Variants in TGFBR3 observed in about 807,000 individuals in gnomAD.
TGFBR3 encodes the protein transforming growth factor beta receptor 3.
A neutral mutation model predicts 87.9 loss-of-function variants in TGFBR3; 46 were observed. That is an observed-to-expected ratio of 0.52 (90% CI 0.41 to 0.67). The LOEUF (loss-of-function observed/expected upper bound fraction) is 0.67, where lower values mean the gene tolerates loss of function less well. TGFBR3 is among the 30% of genes least tolerant of loss of function. The probability of loss-of-function intolerance (pLI) is 0.00; values close to 1 mark genes in which losing one functional copy is unlikely to be tolerated. For missense variants in TGFBR3, 866 were observed against 1,041.9 expected (o/e 0.83, Z 2.32); for synonymous variants, 381 against 391.6 (o/e 0.97, Z 0.32).
chr1:91,793,690 C>T (rs746300053), intron 3 of TGFBR3, among the ~76,000 whole-genome samples: 5 of 151,460 alleles, frequency 3.3e-5, no homozygotes, highest in Non-Finnish European at 5.9e-5. Context: ...CCTGTAATCC[C>T]AGCTACTCAG....
chr1:91,874,545 T>C (rs540898016), intron 1 of TGFBR3, among the ~76,000 whole-genome samples: 77 of 151,782 alleles, frequency 5.1e-4, no homozygotes, highest in Non-Finnish European at 8.1e-4. Context: ...GTCACCAGAC[T>C]GGAGTGCAGT....
At chr1:91,788,604 A>C (rs1355675635) in intron 3 of TGFBR3, among the ~76,000 whole-genome samples, 1 of 152,256 alleles carries the variant, frequency 6.6e-6, no homozygotes, top group African/African-American at 2.4e-5. Context: ...ATTAGCAGTT[A>C]AGTTTCCTTT....
In TGFBR3 at chr1:91,712,320, T is replaced by G; in HGVS notation, c.2089A>C (p.Asn697His). 1 of 1,614,248 alleles carries G rather than the reference T, an allele frequency of 6.2e-7. No homozygotes were observed. Among genetic ancestry groups the G allele is most frequent in the South Asian group, 1.1e-5 (1 of 91,088 alleles). Residue 697 changes from asparagine (N) to histidine (H), a missense_variant, in exon 13 of 17, where the codon AAC becomes CAC. Physicochemically the swap from Asn to His is moderately conservative, Grantham distance 68 (BLOSUM62 1). Coordinates refer to ENST00000212355, the MANE Select transcript of TGFBR3 (RefSeq NM_003243.5). Reference protein sequence around the residue: ...RFSFVFKPVFNTSLLFLQCEL... With the variant: ...RFSFVFKPVFHTSLLFLQCEL... ...CACTGTAGAAAGAGCAGTGAGGTGT[T>G]GAAGACAGGCTTGAAGACAAAGCTG...
At chr1:91,761,922 C>G (rs1392938498) in intron 3 of TGFBR3, among the ~76,000 whole-genome samples, 1 of 152,128 alleles carries the variant, frequency 6.6e-6, no homozygotes, top group Non-Finnish European at 1.5e-5. Context: ...CAGACTACAG[C>G]AAATAAATAT....
chr1:91,734,914 A>C lies in TGFBR3; in HGVS notation c.430T>G (p.Leu144Val). 6.2e-7 allele frequency: 1 copy of C among 1,614,152 alleles called. No individual in the cohort carries two copies. Among genetic ancestry groups the C allele is most frequent in the Non-Finnish European group, 8.5e-7 (1 of 1,180,010 alleles). ...VVQFSSANFS[L>V]TAETEERNFP... Reference sequence around the variant, plus strand: ...TTCCTTTCTTCTGTTTCTGCTGTCAAGGAGAAGTTTGCTGATGAAAACTGG... The same window carrying C: ...TTCCTTTCTTCTGTTTCTGCTGTCACGGAGAAGTTTGCTGATGAAAACTGG... The change falls in exon 5 of 17, where the codon TTG becomes GTG. Residue 144 changes from leucine to valine, a missense_variant. Leu to Val is a conservative substitution (Grantham distance 32, BLOSUM62 1). Coordinates refer to ENST00000212355, the MANE Select transcript of TGFBR3 (RefSeq NM_003243.5).
intron 4 of TGFBR3, among the ~76,000 whole-genome samples, chr1:91,757,189 T>C (rs1190541263): frequency 2.0e-5 from 3 of 152,218 alleles, no homozygotes; most frequent in Non-Finnish European, 4.4e-5. Flanking sequence ...ACTGATACTT[T>C]TGAAGATTAT....
At chr1:91,807,424 C>T (rs1388918906) in intron 2 of TGFBR3, among the ~76,000 whole-genome samples, 1 of 152,194 alleles carries the variant, frequency 6.6e-6, no homozygotes, top group East Asian at 1.9e-4. Flanking sequence ...AACCCTCTTC[C>T]AAGAAGTCAA....
At chr1:91,828,983 G>C (rs923222345) in intron 2 of TGFBR3, among the ~76,000 whole-genome samples, 1 of 152,120 alleles carries the variant, frequency 6.6e-6, no homozygotes, top group Non-Finnish European at 1.5e-5. Flanking sequence ...CTGGGCATGT[G>C]TCCTGCTGGC....
intron 14 of TGFBR3, among the ~76,000 whole-genome samples, chr1:91,699,517 G>A (rs954553903): frequency 7.4e-6 from 1 of 135,662 alleles, no homozygotes; most frequent in Non-Finnish European, 1.5e-5. Flanking sequence ...GACTGGCATA[G>A]AATAGGTCTT....
intron 5 of TGFBR3, among the ~76,000 whole-genome samples, chr1:91,732,511 T>C (rs1159916170): frequency 6.6e-6 from 1 of 152,150 alleles, no homozygotes; most frequent in Non-Finnish European, 1.5e-5. Context: ...CCAGGCCTCA[T>C]GGCCTGCGAT....
At position 91,789,512 on chromosome 1, in the gene TGFBR3, G is replaced by A. The variant is rs111649194; in HGVS notation, c.246+7775C>T. ...TACAGCATCTGGATATTACTGTGAC[G>A]AATGACAGGATTTAAGTGACGTGAC... On this transcript the variant is annotated intron_variant, in intron 3 of 16. Transcript: ENST00000212355. Among the ~76,000 whole-genome samples, 140 of 152,202 alleles carry A rather than the reference G, an allele frequency of 9.2e-4. 5 individuals carry two copies. Among genetic ancestry groups the A allele is most frequent in the Non-Finnish European group, 2.9e-4 (20 of 68,032 alleles).
intron 2 of TGFBR3, among the ~76,000 whole-genome samples, chr1:91,827,243 A>T (rs1461302314): frequency 6.6e-6 from 1 of 152,174 alleles, no homozygotes; most frequent in Non-Finnish European, 1.5e-5. Flanking sequence ...GATCACAACA[A>T]CAGAACCAGC....
chr1:91,716,544 C>T (rs781690799), intron 11 of TGFBR3, 24 bp downstream of exon 11: 10 of 1,614,008 alleles, frequency 6.2e-6, no homozygotes, highest in South Asian at 5.5e-5. Flanking sequence ...TTCCACAAAC[C>T]CCCTACTGAT....
intron 2 of TGFBR3, among the ~76,000 whole-genome samples, chr1:91,825,823 AT>A (rs1676612375): frequency 6.6e-6 from 1 of 152,116 alleles, no homozygotes; most frequent in Non-Finnish European, 1.5e-5. Flanking sequence ...TCTACTAGAA[AT>A]ACAAAAATTA....
chr1:91,695,727 G>C lies in TGFBR3; in HGVS notation c.2382C>G (p.Ala794=). The C allele has an allele frequency of 6.2e-7, 1 of 1,614,172 alleles. No individual in the cohort carries two copies. Among genetic ancestry groups the C allele is most frequent in the African/African-American group, 1.3e-5 (1 of 75,044 alleles). Residue 794 remains alanine, a synonymous_variant, in exon 16 of 17, where the codon GCC becomes GCG. Coordinates refer to ENST00000212355, the MANE Select transcript of TGFBR3 (RefSeq NM_003243.5). Reference sequence around the variant, plus strand: ...CCGTCAGGAGTGCTCCGATCACAAAGGCTGCAAACGCAATGCCCATCACGG... The same window carrying C: ...CCGTCAGGAGTGCTCCGATCACAAACGCTGCAAACGCAATGCCCATCACGG... ...TLTVMGIAFA[A]FVIGALLTGA...
chr1:91,749,400 A>T (rs1184286229), intron 4 of TGFBR3, among the ~76,000 whole-genome samples: 1 of 152,216 alleles, frequency 6.6e-6, no homozygotes, highest in Non-Finnish European at 1.5e-5. Flanking sequence ...AAGGACCCAC[A>T]GTTGCAACAA....
In TGFBR3 at chr1:91,903,027, TA is replaced by T. The variant is rs57978972; in HGVS notation, c.-175+2798del. The stretch of plus-strand genomic sequence containing the variant: ...GGTAACAGTCTTCTAGCACCTCACT[TA>T]AAAAAAAAAAAAAAAAATTGAGGCC... On this transcript the variant is annotated intron_variant, in intron 1 of 17. Transcript: ENST00000370399. Among the ~76,000 whole-genome samples the T allele has an allele frequency of 7.7e-3, 1,026 of 134,074 alleles. 7 individuals carry two copies. Among genetic ancestry groups the T allele is most frequent in the African/African-American group, 0.019 (697 of 36,066 alleles). 88.0% of individuals were successfully genotyped at this position (134,074 alleles called of 152,430 possible).
chr1:91,865,307 TAAA>T (rs554953411), intron 1 of TGFBR3, among the ~76,000 whole-genome samples: 5 of 139,920 alleles, frequency 3.6e-5, no homozygotes, highest in Non-Finnish European at 4.7e-5. Context: ...TGCTTTCACT[TAAA>T]AAAAAAAAAA....
chr1:91,719,882 G>A lies in TGFBR3; in HGVS notation c.1413+11C>T, dbSNP rs751172702. 2 of 1,613,950 alleles carry A rather than the reference G, an allele frequency of 1.2e-6. No individual in the cohort carries two copies. ...TAGCCTCTCTTCCCTCCTGTAATCAGCTGCACCGACCTGAAAAGAATCTTT... is the reference window on the plus strand; with the variant it reads ...TAGCCTCTCTTCCCTCCTGTAATCAACTGCACCGACCTGAAAAGAATCTTT... On this transcript the variant is annotated intron_variant, in intron 9 of 16. Coordinates refer to ENST00000212355, the MANE Select transcript of TGFBR3 (RefSeq NM_003243.5).
Sources: gnomAD v4.1 joint callset for allele counts (sites outside exome capture counted in the v4.1 genomes callset) on GRCh38, gnomAD v4.1.1 for gene constraint, MANE v1.5 for transcripts, NCBI Gene and HGNC (gene_info 2026-07-23, HGNC 2026-07-21) for gene names.